The following PKD1L1 variants were observed in gnomAD, a reference collection of about 807,000 sequenced individuals.
The protein encoded by PKD1L1 is polycystin-1-like protein 1.
In PKD1L1, 236 loss-of-function variants were observed where a neutral mutation model predicts 323.4. That is an observed-to-expected ratio of 0.73 (90% confidence interval 0.66 to 0.81). The LOEUF (loss-of-function observed/expected upper bound fraction) is 0.81, where lower values mean the gene tolerates loss of function less well. Among genes scored for constraint, PKD1L1 ranks in the 40% least tolerant of loss-of-function variants. The probability of loss-of-function intolerance (pLI) is 0.00; values close to 1 mark genes in which losing one functional copy is unlikely to be tolerated. For synonymous variants in PKD1L1, 1,344 were observed against 1,335.0 expected, an observed-to-expected ratio of 1.01 and a Z score of -0.15; for missense variants, 3,320 against 3,508.0, an observed-to-expected ratio of 0.95 and a Z score of 1.35.
At chr7:47,928,187 T>C (rs907864028) in intron 7 of PKD1L1, among the ~76,000 whole-genome samples, 2 of 152,222 alleles carry the variant, frequency 1.3e-5, no homozygotes, top group Admixed American at 6.5e-5. Context: ...TGTGGGTCAA[T>C]AGAAAAGGAC....
intron 5 of PKD1L1, 115 bp downstream of exon 5, chr7:47,931,821 A>G: frequency 7.5e-7 from 1 of 1,328,140 alleles, no homozygotes; most frequent in Non-Finnish European, 1.0e-6. Flanking sequence ...AATGCAAAAT[A>G]TGGTTCACTG....
chr7:47,947,764 G>A (rs531264909), intron 1 of PKD1L1, among the ~76,000 whole-genome samples: 21 of 152,256 alleles, frequency 1.4e-4, no homozygotes, highest in Admixed American at 1.2e-3. Context: ...TCAGGAGATC[G>A]AGACCATCCT....
chr7:47,791,200 T>C (rs955727166), intron 56 of PKD1L1, among the ~76,000 whole-genome samples: 2 of 152,198 alleles, frequency 1.3e-5, no homozygotes, highest in African/African-American at 4.8e-5. Context: ...ACACTAATTA[T>C]AGATACCCTT....
chr7:47,864,576 T>TTTCTTTCTTTC (rs967936305), intron 26 of PKD1L1, among the ~76,000 whole-genome samples: 1 of 107,626 alleles, frequency 9.3e-6, no homozygotes, highest in Non-Finnish European at 1.9e-5. Flanking sequence ...TTTTTCTTTC[T>TTTCTTTCTTTC]TTTCTTTCTT....
At chr7:47,886,314 T>G (rs1479921239) in intron 17 of PKD1L1, among the ~76,000 whole-genome samples, 1 of 149,884 alleles carries the variant, frequency 6.7e-6, no homozygotes, top group Non-Finnish European at 1.5e-5. Flanking sequence ...CTCTTCCAAG[T>G]CGGGGGGGAG....
chr7:47,893,272 C>T (rs1223635908), intron 15 of PKD1L1, among the ~76,000 whole-genome samples: 1 of 150,220 alleles, frequency 6.7e-6, no homozygotes, highest in Non-Finnish European at 1.5e-5. Flanking sequence ...AAGATTTTGG[C>T]CTGAGCAACT....
intron 25 of PKD1L1, 127 bp downstream of exon 25, chr7:47,866,292 C>T: frequency 2.2e-6 from 2 of 923,120 alleles, no homozygotes; most frequent in Admixed American, 5.6e-5. Flanking sequence ...AGCTGGCTGG[C>T]CCTCTTGGTC....
the PKD1L1 span, among the ~76,000 whole-genome samples, chr7:47,957,799 A>G: frequency 2.0e-5 from 3 of 150,996 alleles, no homozygotes; most frequent in African/African-American, 7.3e-5. Context: ...ATTTCTATAC[A>G]TTAATGGTGA....
intron 56 of PKD1L1, among the ~76,000 whole-genome samples, chr7:47,781,224 C>T (rs928057842): frequency 2.6e-5 from 4 of 151,980 alleles, no homozygotes; most frequent in African/African-American, 9.7e-5. Context: ...TTATTTTGGT[C>T]CATTTTCTAA....
intron 19 of PKD1L1, among the ~76,000 whole-genome samples, chr7:47,882,289 C>A (rs1786575835): frequency 1.4e-5 from 1 of 71,348 alleles, no homozygotes; most frequent in African/African-American, 4.2e-5. Flanking sequence ...ATCTTCCCTC[C>A]CTCCCTCCCT....
intron 55 of PKD1L1, among the ~76,000 whole-genome samples, chr7:47,794,629 G>A (rs577829368): frequency 6.6e-4 from 101 of 152,246 alleles, no homozygotes; most frequent in Non-Finnish European, 8.4e-4. Flanking sequence ...TGAGAAGAGG[G>A]CCACCATCCT....
intron 37 of PKD1L1, 36 bp from the exon 38 acceptor site, chr7:47,835,279 A>T: frequency 7.3e-7 from 1 of 1,369,060 alleles, no homozygotes; most frequent in Non-Finnish European, 1.0e-6. Flanking sequence ...ACATCAACTC[A>T]ATATGAGTCC....
intron 46 of PKD1L1, among the ~76,000 whole-genome samples, chr7:47,816,419 C>A (rs893619928): frequency 4.6e-5 from 7 of 152,202 alleles, no homozygotes; most frequent in African/African-American, 1.7e-4. Flanking sequence ...TGCATGGCAG[C>A]AGCAGGGTGT....
chr7:47,801,500 C>A (rs1473898221), intron 53 of PKD1L1, among the ~76,000 whole-genome samples: 1 of 152,156 alleles, frequency 6.6e-6, no homozygotes, highest in African/African-American at 2.4e-5. Context: ...GGATGTCAGA[C>A]CATCAGGCGG....
At chr7:47,775,645 G>T (rs1786550359) in intron 56 of PKD1L1, among the ~76,000 whole-genome samples, 1 of 151,982 alleles carries the variant, frequency 6.6e-6, no homozygotes, top group Non-Finnish European at 1.5e-5. Flanking sequence ...TACTCCGAGA[G>T]AAATCTGTAG....
Position 47,827,369 on chromosome 7 carries a change from G to A in PKD1L1, c.6835C>T (p.Arg2279Cys), listed in dbSNP as rs1785258200. 7 of 1,612,614 alleles carry A rather than the reference G, an allele frequency of 4.3e-6. No homozygotes were observed. Among genetic ancestry groups the A allele is most frequent in the Middle Eastern group, 1.7e-4 (1 of 6,054 alleles). Reference protein sequence around the residue: ...GTRQRMRRESRTRAALRDISM... With the variant: ...GTRQRMRRESCTRAALRDISM... ...ACCCACCTCAGGGCAGCCCGTGTGC[G>A]ACTCTCTCTCCTCATCCTCTGTCTG... is the stretch of plus-strand genomic sequence containing the variant. The change falls in exon 45 of 57, where the codon CGC becomes TGC. Residue 2279 changes from arginine (R) to cysteine (C), a missense_variant. Coordinates refer to ENST00000289672, the MANE Select transcript of PKD1L1 (RefSeq NM_138295.5).
chr7:47,808,472 C>T (rs2128728450), intron 51 of PKD1L1, 85 bp from the exon 52 acceptor site: 1 of 1,520,756 alleles, frequency 6.6e-7, no homozygotes, highest in Non-Finnish European at 9.0e-7. Flanking sequence ...TTGTAAGTTA[C>T]AGTCATGAGT....
chr7:47,839,617 G>T lies in PKD1L1; in HGVS notation c.5598C>A (p.His1866Gln). The change falls in exon 36 of 57, where the codon CAC becomes CAA. Residue 1866 changes from histidine (H) to glutamine (Q), a missense_variant. Physicochemically the swap from His to Gln is conservative, Grantham distance 24. Transcript: ENST00000289672. This position sits in a 1 kb window ranked among gnomAD's most constrained non-coding sequence, Gnocchi z 4.3. Reference sequence around the variant, plus strand: ...AGCCTGGGGAAGGCCCACGGCTGTCGTGCCAGAGGCGGATCTTCCTCAGCA... The same window carrying T: ...AGCCTGGGGAAGGCCCACGGCTGTCTTGCCAGAGGCGGATCTTCCTCAGCA... ...LGLLRKIRLW[H>Q]DSRGPSPGWF... 1 of 1,588,876 alleles carries T rather than the reference G, an allele frequency of 6.3e-7. No homozygotes were observed. Among genetic ancestry groups the T allele is most frequent in the South Asian group, 1.2e-5 (1 of 86,938 alleles).
chr7:47,821,791 G>A (rs564138409), intron 45 of PKD1L1, among the ~76,000 whole-genome samples: 12 of 151,568 alleles, frequency 7.9e-5, no homozygotes, highest in African/African-American at 2.7e-4. Flanking sequence ...CAGTTCAAGC[G>A]ATTCTCCTGC....
Sources: gnomAD v4.1 joint callset for allele counts (sites outside exome capture counted in the v4.1 genomes callset) on GRCh38, gnomAD v4.1.1 for gene constraint, Gnocchi (gnomAD v3.1) non-coding constraint, MANE v1.5 for transcripts, NCBI Gene and HGNC (gene_info 2026-07-23, HGNC 2026-07-21) for gene names.